The following C2orf42 variants were observed in gnomAD, a reference collection of about 807,000 sequenced individuals.
C2orf42 encodes uncharacterized protein C2orf42.
In C2orf42, 44 loss-of-function variants were observed where a neutral mutation model predicts 58.9. That is an observed-to-expected ratio of 0.75 (90% CI 0.59 to 0.96). C2orf42 has a LOEUF of 0.96. Ranked by LOEUF, C2orf42 falls within the 40% of genes least tolerant of loss-of-function variation. The pLI is 0.00. For missense variants in C2orf42, 630 were observed against 699.2 expected (o/e 0.90, Z 1.12); for synonymous variants, 239 against 265.4 (o/e 0.90, Z 0.97).
chr2:70,164,211 G>A (rs1395614870), intron 8 of C2orf42, among the ~76,000 whole-genome samples: 2 of 151,844 alleles, frequency 1.3e-5, no homozygotes, highest in Non-Finnish European at 2.9e-5. Flanking sequence ...GCTGAGGTGG[G>A]AGGATCACTT....
intron 4 of C2orf42, among the ~76,000 whole-genome samples, chr2:70,176,453 G>C (rs895057820): frequency 1.1e-4 from 17 of 151,320 alleles, no homozygotes; most frequent in African/African-American, 4.1e-4. Flanking sequence ...GCAGTGAGCC[G>C]AGACTGCGCC....
At chr2:70,162,797 AT>A (rs940398926) in intron 8 of C2orf42, among the ~76,000 whole-genome samples, 4 of 151,244 alleles carry the variant, frequency 2.6e-5, no homozygotes, top group African/African-American at 2.4e-5. Flanking sequence ...CAAACAACTT[AT>A]TTTTTTTTCC....
intron 1 of C2orf42, among the ~76,000 whole-genome samples, chr2:70,186,676 C>T (rs535064953): frequency 1.3e-5 from 2 of 152,268 alleles, no homozygotes; most frequent in African/African-American, 4.8e-5. Context: ...CGGCACTATT[C>T]ACAATAGCAA....
At chr2:70,175,622 T>C in intron 5 of C2orf42, 51 bp downstream of exon 5, 1 of 1,071,262 alleles carries the variant, frequency 9.3e-7, no homozygotes, top group East Asian at 2.4e-5. Context: ...TTCTGGCTTC[T>C]TTAGGATGAC....
chr2:70,189,502 G>C (rs1468569082), intron 1 of C2orf42, among the ~76,000 whole-genome samples: 1 of 148,532 alleles, frequency 6.7e-6, no homozygotes, highest in Admixed American at 6.8e-5. Context: ...CAGATCACAA[G>C]GTCAGGAGAT....
chr2:70,153,594 C>T (rs1284197910), intron 9 of C2orf42, among the ~76,000 whole-genome samples: 2 of 148,024 alleles, frequency 1.4e-5, no homozygotes, highest in African/African-American at 5.0e-5. Context: ...CTCCTGACCT[C>T]GTGATCCACC....
At chr2:70,178,481 C>T (rs2104954788) in intron 4 of C2orf42, among the ~76,000 whole-genome samples, 1 of 151,982 alleles carries the variant, frequency 6.6e-6, no homozygotes, top group Non-Finnish European at 1.5e-5. Flanking sequence ...GTGGTGGGTG[C>T]CTGTAATCCC....
In C2orf42 at chr2:70,181,926, G is replaced by T. The variant is rs1265204524; in HGVS notation, c.60C>A (p.Ala20=). 1.2e-6 allele frequency: 2 copies of T among 1,613,754 alleles called. No individual in the cohort carries two copies. The highest frequency in any genetic ancestry group is 1.7e-6 in the Non-Finnish European group (2 of 1,179,886). ...VPAFLSDLGK[A]TLRGIRKCPR... ...GACACTTTCTGATTCCCCTCAATGT[G>T]GCCTTCCCCAAATCAGATAAGAAAG... Residue 20 remains alanine, a synonymous_variant, in exon 3 of 10, where the codon GCC becomes GCA. Transcript: ENST00000264434.
At chr2:70,165,021 A>G (rs1673305939) in intron 8 of C2orf42, 71 bp downstream of exon 8, 1 of 731,088 alleles carries the variant, frequency 1.4e-6, no homozygotes, top group African/African-American at 1.8e-5. Context: ...ACCAGTGCAA[A>G]TATAGTCCCT....
At chr2:70,164,667 C>A (rs1572988991) in intron 8 of C2orf42, among the ~76,000 whole-genome samples, 4 of 152,168 alleles carry the variant, frequency 2.6e-5, no homozygotes, top group Admixed American at 2.6e-4. Context: ...AGGGTCATTT[C>A]TCTAATGAGA....
chr2:70,162,168 C>A (rs1464382257), intron 8 of C2orf42, among the ~76,000 whole-genome samples: 1 of 151,566 alleles, frequency 6.6e-6, no homozygotes, highest in South Asian at 2.1e-4. Context: ...CAAGCCACCA[C>A]GCCCGGCTAA....
chr2:70,165,782 T>C (rs539703455), intron 6 of C2orf42, 147 bp from the exon 7 acceptor site: 2 of 591,398 alleles, frequency 3.4e-6, no homozygotes, highest in South Asian at 2.1e-5. Flanking sequence ...AAAGAAGGCT[T>C]TGATTGACCT....
chr2:70,189,748 T>C (rs1299957853), intron 1 of C2orf42, among the ~76,000 whole-genome samples: 2 of 124,284 alleles, frequency 1.6e-5, no homozygotes, highest in South Asian at 2.6e-4. Context: ...CCTGAGTAGC[T>C]GGACGTGGTG....
chr2:70,157,893 A>T (rs1345575933), intron 9 of C2orf42, among the ~76,000 whole-genome samples: 1 of 151,918 alleles, frequency 6.6e-6, no homozygotes, highest in Non-Finnish European at 1.5e-5. Flanking sequence ...AAAACATTTT[A>T]AAATTCCTAA....
chr2:70,173,881 C>T (rs1256214344), intron 5 of C2orf42, among the ~76,000 whole-genome samples: 2 of 152,102 alleles, frequency 1.3e-5, no homozygotes, highest in African/African-American at 2.4e-5. Context: ...TGAGCCACCA[C>T]ACCCAGTCAC....
intron 5 of C2orf42, among the ~76,000 whole-genome samples, chr2:70,170,990 C>CT (rs1673772552): frequency 6.6e-6 from 1 of 151,702 alleles, no homozygotes; most frequent in African/African-American, 2.4e-5. Flanking sequence ...TGGCAGGCAC[C>CT]TGTAGTCCCA....
intron 5 of C2orf42, among the ~76,000 whole-genome samples, chr2:70,172,175 G>GTAC (rs1673866131): frequency 6.9e-6 from 1 of 143,972 alleles, no homozygotes; most frequent in Non-Finnish European, 1.5e-5. Flanking sequence ...AGTGAGCTGA[G>GTAC]ATTGTGCCAC....
At chr2:70,163,962 G>A (rs1376911762) in intron 8 of C2orf42, among the ~76,000 whole-genome samples, 2 of 151,606 alleles carry the variant, frequency 1.3e-5, no homozygotes, top group East Asian at 3.9e-4. Context: ...TTGAACCCAG[G>A]AATTTGAGAC....
At chr2:70,164,040 G>A (rs1200955218) in intron 8 of C2orf42, among the ~76,000 whole-genome samples, 2 of 151,084 alleles carry the variant, frequency 1.3e-5, no homozygotes, top group Non-Finnish European at 2.9e-5. Flanking sequence ...GGGTGGGCCT[G>A]GTGGCTCATG....
Sources: allele counts gnomAD v4.1 joint callset (sites outside exome capture counted in the v4.1 genomes callset), GRCh38; gene constraint gnomAD v4.1.1; transcripts MANE v1.5; gene names NCBI Gene and HGNC (gene_info 2026-07-23, HGNC 2026-07-21).